TGFB3: variants seen among roughly 807,000 people sequenced by gnomAD.
TGFB3 encodes transforming growth factor beta-3 proprotein.
TGFB3 carries 5 observed loss-of-function variants against 40.1 expected under a neutral mutation model. The observed-to-expected ratio is 0.12, with a 90% CI of 0.07 to 0.26. The LOEUF is 0.26. TGFB3 is among the 10% of genes least tolerant of loss of function. TGFB3 has a pLI of 1.00. For missense variants in TGFB3, 373 were observed against 530.1 expected (o/e 0.70, Z 2.91); for synonymous variants, 184 against 205.6 (o/e 0.89, Z 0.90).
In TGFB3 at chr14:75,978,306, C is replaced by T. The variant is rs144630070; in HGVS notation, c.352+2236G>A. On this transcript the variant is annotated intron_variant, in intron 1 of 6. Transcript: ENST00000238682. The surrounding 1 kb of genome is among the most constrained non-coding windows in gnomAD (Gnocchi z 5.0). ...AGACAGGCTTCCTTCCCCCACCCCG[C>T]CCCGCCGCCTTGCAAGCCCCTGATG... Among the ~76,000 whole-genome samples the T allele has an allele frequency of 6.6e-6, 1 of 152,274 alleles. No homozygotes were observed. The highest frequency in any genetic ancestry group is 1.9e-4 in the East Asian group (1 of 5,170).
chr14:75,971,314 T>G lies in TGFB3; in HGVS notation c.517-59A>C. 6.2e-7 allele frequency: 1 copy of G among 1,612,866 alleles called. No homozygotes were observed. Among genetic ancestry groups the G allele is most frequent in the Non-Finnish European group, 8.5e-7 (1 of 1,179,722 alleles). ...CCAGGACAGAGTGCCCCAGAAGATG[T>G]CACAATGCAGAGCACAGGTGAGGGA... On this transcript the variant is annotated intron_variant, in intron 2 of 6. Coordinates refer to ENST00000238682, the MANE Select transcript of TGFB3 (RefSeq NM_003239.5). The surrounding 1 kb of genome is among the most constrained non-coding windows in gnomAD (Gnocchi z 4.5).
Position 75,958,704 on chromosome 14 carries a change from T to TAAAAAAAAAAA in TGFB3, c.*472_*482dup, listed in dbSNP as rs199646113. Reference sequence around the variant, plus strand: ...GGACTTTGTCTTCGTAACCTGTCTTTAAAAAAAAAAAAAAAATGCTTGCCT... The same window carrying TAAAAAAAAAAA: ...GGACTTTGTCTTCGTAACCTGTCTTTAAAAAAAAAAAAAAAAAAAAAAAAAAATGCTTGCCT... On this transcript the variant is annotated 3_prime_UTR_variant, in exon 7 of 7. Coordinates refer to ENST00000238682, the MANE Select transcript of TGFB3 (RefSeq NM_003239.5). The TAAAAAAAAAAA allele has an allele frequency of 5.8e-6, 1 of 172,234 alleles. No individual in the cohort carries two copies. 10.7% of individuals were successfully genotyped at this position (172,234 alleles called of 1,614,324 possible).
At chr14:75,959,485 G>T (rs1014522870) in intron 6 of TGFB3, 140 bp from the exon 7 acceptor site, 2 of 988,276 alleles carry the variant, frequency 2.0e-6, no homozygotes, top group Admixed American at 4.0e-5. Context: ...AGGAACTGTT[G>T]GGGGCCGGGT....
In TGFB3 at chr14:75,979,958, C is replaced by T. The variant is rs2035404351; in HGVS notation, c.352+584G>A. ...CACAGCTCACGTGGGTCTCGTGGGT[C>T]ACGTGGGTGGGGTAGACCAAAGGGC... On this transcript the variant is annotated intron_variant, in intron 1 of 6. Transcript: ENST00000238682. This position sits in a 1 kb window ranked among gnomAD's most constrained non-coding sequence, Gnocchi z 4.8. Among the ~76,000 whole-genome samples, 1 of 152,214 alleles carries T rather than the reference C, an allele frequency of 6.6e-6. No homozygotes were observed. The highest frequency in any genetic ancestry group is 2.1e-4 in the South Asian group (1 of 4,832).
rs1172538635 is a variant in TGFB3 at position 75,978,344 on chromosome 14, T to C, written c.352+2198A>G. ...CAAGCCCCTGATGATGGCTCTCTGC[T>C]CCTGCTCAGCACCTGCCCACTGCCT... On this transcript the variant is annotated intron_variant, in intron 1 of 6. Transcript: ENST00000238682. This position sits in a 1 kb window ranked among gnomAD's most constrained non-coding sequence, Gnocchi z 5.0. 1.3e-5 allele frequency among the ~76,000 whole-genome samples: 2 copies of C among 152,060 alleles called. No homozygotes were observed. Among genetic ancestry groups the C allele is most frequent in the South Asian group, 2.1e-4 (1 of 4,824 alleles).
chr14:75,969,659 G>A (rs2035264096), intron 3 of TGFB3, among the ~76,000 whole-genome samples: 3 of 152,182 alleles, frequency 2.0e-5, no homozygotes. Flanking sequence ...TTTGGGACAT[G>A]TGAAGTTTGA....
chr14:75,975,143 G>C (rs2035338303), intron 1 of TGFB3, among the ~76,000 whole-genome samples: 1 of 152,072 alleles, frequency 6.6e-6, no homozygotes, highest in Non-Finnish European at 1.5e-5. Context: ...CGAGGCAGGT[G>C]GATCACTGGA....
chr14:75,978,823 G>C lies in TGFB3; in HGVS notation c.352+1719C>G, dbSNP rs3917154. Among the ~76,000 whole-genome samples the C allele has an allele frequency of 6.6e-6, 1 of 152,130 alleles. No homozygotes were observed. Among genetic ancestry groups the C allele is most frequent in the African/African-American group, 2.4e-5 (1 of 41,378 alleles). On this transcript the variant is annotated intron_variant, in intron 1 of 6. Transcript: ENST00000238682. This position sits in a 1 kb window ranked among gnomAD's most constrained non-coding sequence, Gnocchi z 5.0. ...CAGCTCAGGATTCCGGGATGGGGGG[G>C]TCCTGGTGACTCAGAATGCTTCCTC...
chr14:75,960,519 G>T, intron 6 of TGFB3: 1 of 200,718 alleles, frequency 5.0e-6, no homozygotes. Flanking sequence ...TTAGCTTCTT[G>T]TCCATCCTTG....
rs555608905 is a variant in TGFB3, at chr14:75,959,666, G to T, written c.1081-321C>A. On this transcript the variant is annotated intron_variant, in intron 6 of 6. Transcript: ENST00000238682. The stretch of plus-strand genomic sequence containing the variant: ...GGCGCCTGTAATCCCAGCTACTTGG[G>T]AGGCTGAGGTGGGAGGATCACCTGA... Among the ~76,000 whole-genome samples the T allele has an allele frequency of 1.4e-3, 216 of 152,070 alleles. 2 individuals are homozygous for T. Among genetic ancestry groups the T allele is most frequent in the African/African-American group, 4.7e-3 (197 of 41,482 alleles).
At chr14:75,969,179 CTTTGAGCT>C (rs773766475) in intron 3 of TGFB3, among the ~76,000 whole-genome samples, 1 of 152,176 alleles carries the variant, frequency 6.6e-6, no homozygotes, top group Non-Finnish European at 1.5e-5. Context: ...TAAGCTCTGC[CTTTGAGCT>C]TTAACTCTTA....
chr14:75,961,517 C>A (rs1053779722), intron 5 of TGFB3, among the ~76,000 whole-genome samples: 5 of 152,160 alleles, frequency 3.3e-5, no homozygotes, highest in Non-Finnish European at 5.9e-5. Flanking sequence ...ACTGCTGAGA[C>A]TCAATCCAAA....
At chr14:75,973,150 C>G (rs1468615753) in intron 1 of TGFB3, among the ~76,000 whole-genome samples, 1 of 152,188 alleles carries the variant, frequency 6.6e-6, no homozygotes, top group African/African-American at 2.4e-5. Flanking sequence ...TAACAATAGC[C>G]CGAAGTTGAA....
chr14:75,977,564 G>A (rs756733765), intron 1 of TGFB3, among the ~76,000 whole-genome samples: 2 of 151,532 alleles, frequency 1.3e-5, no homozygotes, highest in Admixed American at 6.6e-5. Context: ...ACGTAGCTGC[G>A]GTTGCTTAAC....
chr14:75,972,863 C>T (rs957241870), intron 1 of TGFB3, among the ~76,000 whole-genome samples: 1 of 152,206 alleles, frequency 6.6e-6, no homozygotes, highest in African/African-American at 2.4e-5. Flanking sequence ...AAAGAGCCCA[C>T]ATCATGAGCC....
At chr14:75,964,856 G>A (rs537863759) in intron 4 of TGFB3, among the ~76,000 whole-genome samples, 1 of 152,332 alleles carries the variant, frequency 6.6e-6, no homozygotes, top group South Asian at 2.1e-4. Context: ...TAAGATCACT[G>A]TCCAGCGCTG....
chr14:75,967,790 A>C (rs2035237387), intron 3 of TGFB3, among the ~76,000 whole-genome samples: 1 of 152,218 alleles, frequency 6.6e-6, no homozygotes, highest in African/African-American at 2.4e-5. Context: ...AGCTTGCCCA[A>C]GATATCCAAC....
At chr14:75,975,790 A>G (rs1250166505) in intron 1 of TGFB3, among the ~76,000 whole-genome samples, 1 of 152,220 alleles carries the variant, frequency 6.6e-6, no homozygotes, top group Non-Finnish European at 1.5e-5. Context: ...GGTTTCATCA[A>G]CAAAATATGG....
At chr14:75,963,937 C>T (rs567156819) in intron 4 of TGFB3, among the ~76,000 whole-genome samples, 3 of 152,228 alleles carry the variant, frequency 2.0e-5, no homozygotes, top group African/African-American at 4.8e-5. Flanking sequence ...AGTGCAGTGG[C>T]CCCATCTTGG....
Sources: gnomAD v4.1 joint callset for allele counts (sites outside exome capture counted in the v4.1 genomes callset) on GRCh38, gnomAD v4.1.1 for gene constraint, Gnocchi (gnomAD v3.1) non-coding constraint, MANE v1.5 for transcripts, NCBI Gene and HGNC (gene_info 2026-07-23, HGNC 2026-07-21) for gene names.